Variants in FAT2 observed in about 807,000 individuals in gnomAD.
FAT2 encodes the protein protocadherin Fat 2.
FAT2 carries 150 observed loss-of-function variants against 295.3 expected under a neutral mutation model. The ratio of observed to expected loss-of-function variants is 0.51; its 90% CI spans 0.44 to 0.58. FAT2 has a LOEUF of 0.58. FAT2 is among the 20% of genes least tolerant of loss of function. FAT2 has a pLI of 0.00. For synonymous variants in FAT2, 2,026 were observed against 2,150.3 expected, an observed-to-expected ratio of 0.94 and a Z score of 1.60; for missense variants, 4,868 against 5,442.7, an observed-to-expected ratio of 0.89 and a Z score of 3.32.
chr5:151,537,771 T>C, intron 12 of FAT2, 22 bp downstream of exon 12: 4 of 1,598,788 alleles, frequency 2.5e-6, no homozygotes, highest in Non-Finnish European at 3.4e-6. Flanking sequence ...CTTGTTTTGA[T>C]CCTGCAGCTC....
At chr5:151,523,652 TAC>T (rs1313657547) in intron 18 of FAT2, among the ~76,000 whole-genome samples, 54 of 152,180 alleles carry the variant, frequency 3.5e-4, no homozygotes, top group African/African-American at 1.2e-3. Context: ...GGTCTGAGAA[TAC>T]AGAGGTCAGG....
At chr5:151,527,458 CA>C (rs1561830544) in intron 16 of FAT2, 81 bp from the exon 17 acceptor site, 153 of 1,362,902 alleles carry the variant, frequency 1.1e-4, no homozygotes, top group South Asian at 2.5e-4. Flanking sequence ...CTAATATTTT[CA>C]AAAAAAATAA....
At chr5:151,587,220 CT>C (rs974753068) in intron 1 of FAT2, among the ~76,000 whole-genome samples, 5 of 151,960 alleles carry the variant, frequency 3.3e-5, no homozygotes, top group African/African-American at 1.2e-4. Flanking sequence ...GATAGGGCTT[CT>C]TTGCACCATT....
At position 151,521,278 on chromosome 5, in the gene FAT2, T is replaced by C. The variant is rs370606904; in HGVS notation, c.11315A>G (p.Asn3772Ser). ...CCTAGGGAAGATGTAGTACTTACCA[T>C]TGCAGGAGCAGCTCCTCTGCAGGTG... ...RHHLQRSCSC[N>S]GTATRFSGQS... Residue 3772 changes from asparagine to serine, a missense_variant and splice_region_variant, in exon 19 of 24, where the codon AAT (asparagine) becomes AGT (serine). Physicochemically the swap from Asn to Ser is conservative, Grantham distance 46 (BLOSUM62 1). Coordinates refer to ENST00000261800, the MANE Select transcript of FAT2 (RefSeq NM_001447.3). The C allele has an allele frequency of 5.0e-6, 8 of 1,604,426 alleles. No homozygotes were observed. Among genetic ancestry groups the C allele is most frequent in the Admixed American group, 1.7e-5 (1 of 59,754 alleles).
chr5:151,519,173 G>A (rs1218725153), intron 19 of FAT2, among the ~76,000 whole-genome samples: 3 of 152,092 alleles, frequency 2.0e-5, no homozygotes, highest in East Asian at 1.9e-4. Context: ...GTGAAACCCC[G>A]TCTCTACTAA....
In FAT2 at chr5:151,566,781, GT is replaced by G; in HGVS notation, c.2150del (p.His717ProfsTer21). On this transcript the variant is annotated frameshift_variant, in exon 2 of 24. Coordinates refer to ENST00000261800, the MANE Select transcript of FAT2 (RefSeq NM_001447.3). LOFTEE classifies it high-confidence loss of function. ...INHYTPQFED[H>X]FPQSIDVLES... ...CAAGGACATCAATGGATTGGGGGAA[GT>G]GGTCCTCAAACTGTGGGGTGTAATG... 1 of 1,614,236 alleles carries G rather than the reference GT, an allele frequency of 6.2e-7. No individual in the cohort carries two copies. Among genetic ancestry groups the G allele is most frequent in the Non-Finnish European group, 8.5e-7 (1 of 1,180,044 alleles).
rs780157625 is a variant in FAT2, at chr5:151,505,376, C to A, written c.*189G>T. The stretch of plus-strand genomic sequence containing the variant: ...CCTAGTGCTGTTTCTGGAGCTCTAT[C>A]CTCAGCTTCCCTCCACCCTCAGGGA... On this transcript the variant is annotated 3_prime_UTR_variant, in exon 24 of 24. Transcript: ENST00000261800. The A allele has an allele frequency of 4.3e-4, 287 of 675,230 alleles. 2 individuals are homozygous for A. The highest frequency in any genetic ancestry group is 2.4e-3 in the Middle Eastern group (6 of 2,482). The allele number at this position is 675,230 out of a possible 1,614,324, so 41.8% of individuals were successfully genotyped here.
rs1198540295 is a variant in FAT2 at position 151,545,832 on chromosome 5, G to T, written c.5295C>A (p.Gly1765=). The change falls in exon 10 of 24, where the codon GGC becomes GGA. Residue 1765 remains glycine, a synonymous_variant. Coordinates refer to ENST00000261800, the MANE Select transcript of FAT2 (RefSeq NM_001447.3). ...APMFLKSTFV[G]QISEAAPLYS... The stretch of plus-strand genomic sequence containing the variant: ...ACAGTGGAGCTGCTTCACTAATTTG[G>T]CCCACAAAAGTTGACTTTAAGAACA... The T allele has an allele frequency of 6.2e-7, 1 of 1,614,054 alleles. No individual in the cohort carries two copies.
chr5:151,587,378 T>A (rs377589040), intron 1 of FAT2, among the ~76,000 whole-genome samples: 97 of 152,206 alleles, frequency 6.4e-4, no homozygotes, highest in African/African-American at 2.3e-3. Flanking sequence ...CCAACCTATC[T>A]CTCAGACCAT....
At chr5:151,568,993 A>G in intron 1 of FAT2, 42 bp from the exon 2 acceptor site, 2 of 1,517,066 alleles carry the variant, frequency 1.3e-6, no homozygotes, top group Non-Finnish European at 8.8e-7. Flanking sequence ...TAGGGGGAAA[A>G]AATGGTTTCT....
At chr5:151,519,942 C>T (rs1336652665) in intron 19 of FAT2, among the ~76,000 whole-genome samples, 1 of 152,182 alleles carries the variant, frequency 6.6e-6, no homozygotes, top group African/African-American at 2.4e-5. Context: ...AAATCACGCT[C>T]TCCAGTAGAC....
chr5:151,523,208 A>G (rs1753663502), intron 18 of FAT2, among the ~76,000 whole-genome samples: 1 of 152,192 alleles, frequency 6.6e-6, no homozygotes, highest in Non-Finnish European at 1.5e-5. Context: ...AATAGCAACA[A>G]TAATAATTAA....
At chr5:151,593,189 T>C (rs1759480801), upstream of FAT2, among the ~76,000 whole-genome samples, 1 of 152,232 alleles carries the variant, frequency 6.6e-6, no homozygotes, top group Admixed American at 6.5e-5. Flanking sequence ...ACTTGGCTGA[T>C]TGCCACTCAA....
At chr5:151,592,432 C>T (rs2127668081), upstream of FAT2, among the ~76,000 whole-genome samples, 1 of 152,052 alleles carries the variant, frequency 6.6e-6, no homozygotes, top group East Asian at 1.9e-4. Flanking sequence ...CAATCCCCTC[C>T]CTCCCCCCAG....
chr5:151,556,271 A>G (rs1403638058), intron 4 of FAT2, 73 bp downstream of exon 4: 2 of 1,244,082 alleles, frequency 1.6e-6, no homozygotes, highest in Non-Finnish European at 2.4e-6. Flanking sequence ...CCACAGTGCT[A>G]GACATGCACG....
At position 151,531,077 on chromosome 5, in the gene FAT2, G is replaced by A. The variant is rs914666767; in HGVS notation, c.9811+510C>T. 5.9e-5 allele frequency among the ~76,000 whole-genome samples: 9 copies of A among 152,130 alleles called. No homozygotes were observed. The highest frequency in any genetic ancestry group is 2.2e-4 in the African/African-American group (9 of 41,416). On this transcript the variant is annotated intron_variant, in intron 14 of 23. Coordinates refer to ENST00000261800, the MANE Select transcript of FAT2 (RefSeq NM_001447.3). This position sits in a 1 kb window ranked among gnomAD's most constrained non-coding sequence, Gnocchi z 5.7. ...TGAACCTGACTTTGAGTCTTCTGTGGCTAGTAGGAAAGAAGTGAGACGGTT... is the reference window on the plus strand; with the variant it reads ...TGAACCTGACTTTGAGTCTTCTGTGACTAGTAGGAAAGAAGTGAGACGGTT...
At position 151,507,340 on chromosome 5, in the gene FAT2, A is replaced by C. The variant is rs927235826; in HGVS notation, c.12331T>G (p.Cys4111Gly). The change falls in exon 23 of 24, where the codon TGC becomes GGC. Residue 4111 changes from cysteine (C) to glycine (G), a missense_variant. Around this residue, in one of 5 missense-constraint regions of FAT2, gnomAD observed 492 missense variants for 482.6 expected, o/e 1.02. Transcript: ENST00000261800. ...IELNPLSASS[C>G]NNLNQPEPSK... ...GGTTCCGGTTGGTTGAGGTTGTTGC[A>C]GGAGCTGGCACTCAATGGGTTGAGC... is the stretch of plus-strand genomic sequence containing the variant. 6.2e-7 allele frequency: 1 copy of C among 1,614,056 alleles called. No homozygotes were observed.
At chr5:151,532,576 C>A (rs533045346) in intron 13 of FAT2, among the ~76,000 whole-genome samples, 1 of 152,338 alleles carries the variant, frequency 6.6e-6, no homozygotes, top group Admixed American at 6.5e-5. Context: ...CACACAGTCC[C>A]CACCAGTCCT....
intron 13 of FAT2, 96 bp downstream of exon 13, chr5:151,534,313 C>A: frequency 1.1e-6 from 1 of 929,066 alleles, no homozygotes; most frequent in Non-Finnish European, 1.6e-6. Context: ...GAGGCACCGC[C>A]CTTACCAGTC....
Sources: allele counts gnomAD v4.1 joint callset (sites outside exome capture counted in the v4.1 genomes callset), GRCh38; gene constraint gnomAD v4.1.1; regional missense constraint gnomAD v4.1.1; non-coding constraint Gnocchi (gnomAD v3.1); transcripts MANE v1.5; gene names NCBI Gene and HGNC (gene_info 2026-07-23, HGNC 2026-07-21).